GPBP1L1: variants seen among roughly 807,000 people sequenced by gnomAD.
GPBP1L1 encodes the protein GC-rich promoter binding protein 1 like 1.
A neutral mutation model predicts 52.5 loss-of-function variants in GPBP1L1; 23 were observed. The observed-to-expected ratio is 0.44, with a 90% CI of 0.32 to 0.62. GPBP1L1 has a LOEUF of 0.62. Among genes scored for constraint, GPBP1L1 ranks in the 20% least tolerant of loss-of-function variants. GPBP1L1 has a pLI of 0.06. For missense variants in GPBP1L1, 596 were observed against 579.3 expected (o/e 1.03, Z -0.30); for synonymous variants, 243 against 203.1 (o/e 1.20, Z -1.67).
At chr1:45,672,091 G>A (rs548940142) in intron 2 of GPBP1L1, among the ~76,000 whole-genome samples, 1 of 152,118 alleles carries the variant, frequency 6.6e-6, no homozygotes, top group African/African-American at 2.4e-5. Flanking sequence ...GGCTGGGTGC[G>A]GTGGCTCATG....
At chr1:45,677,679 C>A (rs762186841) in intron 2 of GPBP1L1, among the ~76,000 whole-genome samples, 1 of 152,244 alleles carries the variant, frequency 6.6e-6, no homozygotes, top group East Asian at 1.9e-4. Flanking sequence ...GATTTCTGTA[C>A]CCATAAGAGG....
intron 2 of GPBP1L1, among the ~76,000 whole-genome samples, chr1:45,670,788 T>A (rs1161045789): frequency 6.0e-5 from 4 of 67,080 alleles, no homozygotes; most frequent in African/African-American, 2.2e-4. Flanking sequence ...ACCATATGTC[T>A]TTTTTTTTTT....
intron 8 of GPBP1L1, 130 bp from the exon 9 acceptor site, chr1:45,634,366 G>GA: frequency 2.2e-6 from 2 of 910,354 alleles, no homozygotes; most frequent in Middle Eastern, 3.6e-4. Flanking sequence ...GTCTTAACAT[G>GA]TTTGGGAAGT....
Position 45,628,134 on chromosome 1 carries a change from A to G in GPBP1L1, c.*122T>C. ...CCAATTGCTCTCTCTTTGGGATATG[A>G]TTATTTCCCTTGTGAATGAAGTATT... On this transcript the variant is annotated 3_prime_UTR_variant, in exon 13 of 13. Transcript: ENST00000355105. 3 of 960,836 alleles carry G rather than the reference A, an allele frequency of 3.1e-6. No homozygotes were observed. Among genetic ancestry groups the G allele is most frequent in the Non-Finnish European group, 4.7e-6 (3 of 633,452 alleles). The allele number at this position is 960,836 out of a possible 1,614,324, so 59.5% of individuals were successfully genotyped here.
At chr1:45,640,863 C>T (rs1644662686) in intron 7 of GPBP1L1, among the ~76,000 whole-genome samples, 1 of 152,112 alleles carries the variant, frequency 6.6e-6, no homozygotes, top group Non-Finnish European at 1.5e-5. Context: ...ACAAAAAATA[C>T]AAACATTAGC....
Position 45,630,703 on chromosome 1 carries a change from T to C in GPBP1L1, c.1045-97A>G. ...CAAGGACTCACGACCCAGGAAGTGT[T>C]TTCCAAAAGACAGCCTCAGCCCACA... On this transcript the variant is annotated intron_variant, in intron 10 of 12. Transcript: ENST00000355105. 3.6e-6 allele frequency: 5 copies of C among 1,387,744 alleles called. No homozygotes were observed. The South Asian group carries it at 6.9e-5, about 19-fold the overall frequency. 86.0% of individuals were successfully genotyped at this position (1,387,744 alleles called of 1,614,324 possible).
intron 4 of GPBP1L1, among the ~76,000 whole-genome samples, chr1:45,658,399 T>G (rs1450192855): frequency 2.6e-5 from 4 of 152,076 alleles, no homozygotes; most frequent in Non-Finnish European, 5.9e-5. Flanking sequence ...CTCCAAAGTG[T>G]GCTGCAGCTA....
At chr1:45,660,143 T>G in intron 3 of GPBP1L1, 41 bp downstream of exon 3, 1 of 969,096 alleles carries the variant, frequency 1.0e-6, no homozygotes, top group Non-Finnish European at 1.2e-6. Context: ...TGCATATACA[T>G]AGAGTCTTCT....
chr1:45,630,698 A>G, intron 10 of GPBP1L1, 92 bp from the exon 11 acceptor site: 1 of 1,431,068 alleles, frequency 7.0e-7, no homozygotes, highest in Non-Finnish European at 9.5e-7. Context: ...CGACCCAGGA[A>G]GTGTTTTCCA....
At chr1:45,671,559 C>T (rs898993739) in intron 2 of GPBP1L1, among the ~76,000 whole-genome samples, 1 of 152,176 alleles carries the variant, frequency 6.6e-6, no homozygotes, top group African/African-American at 2.4e-5. Flanking sequence ...TGGTACATGC[C>T]TGTAATTCCA....
In GPBP1L1 at chr1:45,633,650, G is replaced by A; in HGVS notation, c.886-3C>T. On this transcript the variant is annotated splice_region_variant and splice_polypyrimidine_tract_variant and intron_variant, in intron 9 of 12. Transcript: ENST00000355105. ...GGAGGGGTGGTGCTGGAGGGACTCT[G>A]GGCAAATACCACAAACAGGTTGCTC... is the stretch of plus-strand genomic sequence containing the variant. 6.2e-7 allele frequency: 1 copy of A among 1,613,210 alleles called. No individual in the cohort carries two copies. Among genetic ancestry groups the A allele is most frequent in the Non-Finnish European group, 8.5e-7 (1 of 1,179,748 alleles).
Position 45,655,315 on chromosome 1 carries a change from G to A in GPBP1L1, c.65C>T (p.Pro22Leu). The A allele has an allele frequency of 1.2e-6, 2 of 1,614,064 alleles. No homozygotes were observed. The highest frequency in any genetic ancestry group is 2.2e-5 in the East Asian group (1 of 44,884). ...NFSTPQSAKS[P>L]TATFEKHGEH... ...TCCGTGTTTTTCGAAGGTGGCAGTA[G>A]GTGACTAAGATGATGAAGTATGGAG... Residue 22 changes from proline to leucine, a missense_variant, in exon 5 of 13, where the codon CCT becomes CTT. Physicochemically the swap from Pro to Leu is moderately conservative, Grantham distance 98. Transcript: ENST00000355105.
At chr1:45,650,977 T>C (rs1447234515) in intron 6 of GPBP1L1, 5 of 332,422 alleles carry the variant, frequency 1.5e-5, no homozygotes, top group Admixed American at 3.5e-5. Context: ...TAGAAATCTT[T>C]AGGAAAATTT....
At chr1:45,679,379 T>C (rs767413752) in intron 2 of GPBP1L1, among the ~76,000 whole-genome samples, 1 of 152,176 alleles carries the variant, frequency 6.6e-6, no homozygotes, top group East Asian at 1.9e-4. Context: ...CAACAGCCAC[T>C]GGAATGAACT....
chr1:45,672,588 G>C (rs1160812171), intron 2 of GPBP1L1, among the ~76,000 whole-genome samples: 1 of 152,174 alleles, frequency 6.6e-6, no homozygotes, highest in Non-Finnish European at 1.5e-5. Flanking sequence ...ATGTTAAGTA[G>C]ATAGCTGGAT....
intron 8 of GPBP1L1, among the ~76,000 whole-genome samples, chr1:45,638,910 A>G (rs1258638119): frequency 6.6e-6 from 1 of 152,248 alleles, no homozygotes; most frequent in Admixed American, 6.5e-5. Context: ...GAGTTTGGCT[A>G]TGAGAAACTT....
chr1:45,643,617 T>C (rs1449540489), intron 6 of GPBP1L1, among the ~76,000 whole-genome samples: 1 of 146,086 alleles, frequency 6.8e-6, no homozygotes, highest in Non-Finnish European at 1.5e-5. Flanking sequence ...ACTGCTGTCC[T>C]AGCCCAAACT....
intron 3 of GPBP1L1, 46 bp downstream of exon 3, chr1:45,660,138 A>G (rs1423851438): frequency 1.0e-6 from 1 of 965,448 alleles, no homozygotes; most frequent in Non-Finnish European, 1.2e-6. Flanking sequence ...CATGATGCAT[A>G]TACATAGAGT....
chr1:45,638,001 T>C (rs145576506), intron 8 of GPBP1L1, among the ~76,000 whole-genome samples: 5 of 152,362 alleles, frequency 3.3e-5, no homozygotes, highest in Non-Finnish European at 7.4e-5. Flanking sequence ...GTCTATTCCA[T>C]AGCCCGGCAG....
Sources: gnomAD v4.1 joint callset for allele counts (sites outside exome capture counted in the v4.1 genomes callset) on GRCh38, gnomAD v4.1.1 for gene constraint, MANE v1.5 for transcripts, NCBI Gene and HGNC (gene_info 2026-07-23, HGNC 2026-07-21) for gene names.